LMO2: variants seen among roughly 807,000 people sequenced by gnomAD.
The protein encoded by LMO2 is LIM domain only 2.
Under a neutral mutation model 23.2 loss-of-function variants are expected in LMO2, and 20 were observed. That is an observed-to-expected ratio of 0.86 (90% CI 0.61 to 1.25). The LOEUF (loss-of-function observed/expected upper bound fraction) is 1.25, where lower values mean the gene tolerates loss of function less well. LMO2 is among the 50% of genes most tolerant of loss of function. The pLI is 0.00. For missense variants in LMO2, 270 were observed against 315.3 expected (o/e 0.86, Z 1.09); for synonymous variants, 123 against 130.2 (o/e 0.94, Z 0.38).
chr11:33,879,469 A>G (rs908771712), intron 2 of LMO2, among the ~76,000 whole-genome samples: 4 of 151,658 alleles, frequency 2.6e-5, no homozygotes, highest in African/African-American at 7.3e-5. Flanking sequence ...TAAAAAAAAA[A>G]AAAAAAAAAA....
rs1321988860 is a variant in LMO2, at chr11:33,864,586, G to T, written c.464+16C>A. ...GCCTCCCTTCCGAGGGCCCAGTGGA[G>T]TGCCGGGGAGGGTACCTGAGATAGT... On this transcript the variant is annotated intron_variant, in intron 5 of 5. Transcript: ENST00000257818. This position sits in a 1 kb window ranked among gnomAD's most constrained non-coding sequence, Gnocchi z 4.8. 1 of 1,605,032 alleles carries T rather than the reference G, an allele frequency of 6.2e-7. No homozygotes were observed. Among genetic ancestry groups the T allele is most frequent in the Non-Finnish European group, 8.5e-7 (1 of 1,174,612 alleles).
At position 33,869,932 on chromosome 11, in the gene LMO2, C is replaced by G; in HGVS notation, c.-216G>C. The G allele has an allele frequency of 9.5e-7, 1 of 1,048,878 alleles. No individual in the cohort carries two copies. The highest frequency in any genetic ancestry group is 1.1e-6 in the Non-Finnish European group (1 of 870,436). 65.0% of individuals were successfully genotyped at this position (1,048,878 alleles called of 1,614,324 possible). A position where few individuals can be genotyped will look rare whatever the true frequency, so the allele number is the denominator to read the frequency against. ...TCTCTCTCCGGGCTTCCTCCTCTCTCGGGAAGGTCTATTTTCGCTCAGCTT... is the reference window on the plus strand; with the variant it reads ...TCTCTCTCCGGGCTTCCTCCTCTCTGGGGAAGGTCTATTTTCGCTCAGCTT... On this transcript the variant is annotated 5_prime_UTR_variant, in exon 3 of 6. Coordinates refer to ENST00000257818, the MANE Select transcript of LMO2 (RefSeq NM_005574.4).
intron 4 of LMO2, among the ~76,000 whole-genome samples, chr11:33,866,528 C>G (rs915328040): frequency 1.2e-4 from 19 of 152,236 alleles, no homozygotes; most frequent in African/African-American, 4.6e-4. Context: ...CCCAGCTACC[C>G]AGGAGGCTGA....
rs755646456 is a variant in LMO2 at position 33,869,764 on chromosome 11, C to T, written c.-48G>A. 11 of 1,189,958 alleles carry T rather than the reference C, an allele frequency of 9.2e-6. No homozygotes were observed. The Admixed American group carries it at 1.3e-4, about 14-fold the overall frequency. The allele number at this position is 1,189,958 out of a possible 1,614,324, so 73.7% of individuals were successfully genotyped here. ...CCCGGTCCCTCTCGCGCGCTGTCGC[C>T]GGCTCCGCGCCGCCCGCGGGGATGG... is the stretch of plus-strand genomic sequence containing the variant. On this transcript the variant is annotated 5_prime_UTR_variant, in exon 3 of 6. Transcript: ENST00000257818.
intron 1 of LMO2, among the ~76,000 whole-genome samples, chr11:33,887,251 C>T (rs920157628): frequency 1.3e-5 from 2 of 152,186 alleles, no homozygotes; most frequent in East Asian, 1.9e-4. Flanking sequence ...GTGGAGTTTG[C>T]GGTAGCCTGG....
intron 1 of LMO2, among the ~76,000 whole-genome samples, chr11:33,890,615 G>A (rs57264949): frequency 6.6e-6 from 1 of 152,202 alleles, no homozygotes; most frequent in East Asian, 1.9e-4. Context: ...GCCTCCCAAA[G>A]TGCTAAGATT....
chr11:33,869,330 G>T lies in LMO2; in HGVS notation c.248+16C>A. The T allele has an allele frequency of 8.4e-7, 1 of 1,184,386 alleles. No homozygotes were observed. The highest frequency in any genetic ancestry group is 4.2e-5 in the South Asian group (1 of 23,788). The allele number at this position is 1,184,386 out of a possible 1,614,324, so 73.4% of individuals were successfully genotyped here. A position where few individuals can be genotyped will look rare whatever the true frequency, so the allele number is the denominator to read the frequency against. On this transcript the variant is annotated intron_variant, in intron 4 of 5. Coordinates refer to ENST00000257818, the MANE Select transcript of LMO2 (RefSeq NM_005574.4). ...GTGGACACCGGGGGTGGCAGGGGCAGGGGGGCCGCACTTACTCTGAAGGGT... is the reference window on the plus strand; with the variant it reads ...GTGGACACCGGGGGTGGCAGGGGCATGGGGGCCGCACTTACTCTGAAGGGT...
intron 2 of LMO2, among the ~76,000 whole-genome samples, chr11:33,879,125 C>A (rs1314198075): frequency 6.6e-6 from 1 of 152,120 alleles, no homozygotes; most frequent in South Asian, 2.1e-4. Flanking sequence ...CACAGGGGAA[C>A]AGCTTCATGA....
intron 2 of LMO2, among the ~76,000 whole-genome samples, chr11:33,874,654 A>G (rs1374182641): frequency 6.6e-6 from 1 of 152,250 alleles, no homozygotes; most frequent in African/African-American, 2.4e-5. Context: ...CATCCACCAA[A>G]GAGTGCTGAG....
intron 1 of LMO2, among the ~76,000 whole-genome samples, chr11:33,887,084 C>A (rs1857428189): frequency 6.6e-6 from 1 of 152,222 alleles, no homozygotes. Context: ...TGACTTGGAA[C>A]CTGGGACTCT....
chr11:33,864,591 G>A lies in LMO2; in HGVS notation c.464+11C>T, dbSNP rs35302585. The A allele has an allele frequency of 4.1e-5, 66 of 1,607,784 alleles. No homozygotes were observed. Among genetic ancestry groups the A allele is most frequent in the Middle Eastern group, 3.7e-4 (2 of 5,412 alleles). ...CCTTCCGAGGGCCCAGTGGAGTGCC[G>A]GGGAGGGTACCTGAGATAGTCTCTC... On this transcript the variant is annotated intron_variant, in intron 5 of 5. Transcript: ENST00000257818. The surrounding 1 kb of genome is among the most constrained non-coding windows in gnomAD (Gnocchi z 4.8).
intron 2 of LMO2, among the ~76,000 whole-genome samples, chr11:33,876,380 C>T (rs566334429): frequency 2.0e-5 from 3 of 152,278 alleles, no homozygotes; most frequent in East Asian, 1.9e-4. Context: ...GCACCTAGAA[C>T]GTGCCTAACG....
At position 33,869,457 on chromosome 11, in the gene LMO2, G is replaced by A; in HGVS notation, c.137C>T (p.Ala46Val). The A allele has an allele frequency of 8.3e-7, 1 of 1,199,186 alleles. No homozygotes were observed. The highest frequency in any genetic ancestry group is 1.0e-6 in the Non-Finnish European group (1 of 961,900). The allele number at this position is 1,199,186 out of a possible 1,614,324, so 74.3% of individuals were successfully genotyped here. ...GGCGCGGGGCTGGCCGGCTGCCGGG[G>A]CTCGGACCCCCTCGGGTGCTCGGGC... ...GGARAPEGVR[A>V]PAAGQPRATK... The change falls in exon 4 of 6, where the codon GCC becomes GTC. Residue 46 changes from alanine (A) to valine (V), a missense_variant. Coordinates refer to ENST00000257818, the MANE Select transcript of LMO2 (RefSeq NM_005574.4).
rs1856593991 is a variant in LMO2 at position 33,861,883 on chromosome 11, T to TTCTGTGACTTAAGCC, written c.465-2309_465-2308insGGCTTAAGTCACAGA. Among the ~76,000 whole-genome samples, 10 of 152,294 alleles carry TTCTGTGACTTAAGCC rather than the reference T, an allele frequency of 6.6e-5. No homozygotes were observed. The South Asian group carries it at 2.1e-3, about 32-fold the overall frequency. ...GGTGACCTGAGCAAATGGAGTCCCC[T>TTCTGTGACTTAAGCC]GTACAGGCTTCTGTGACTTAAGCCA... On this transcript the variant is annotated intron_variant, in intron 5 of 5. Transcript: ENST00000257818.
At position 33,869,938 on chromosome 11, in the gene LMO2, G is replaced by A. The variant is rs1395251120; in HGVS notation, c.-222C>T. ...TCCGGGCTTCCTCCTCTCTCGGGAA[G>A]GTCTATTTTCGCTCAGCTTCCCTCT... On this transcript the variant is annotated 5_prime_UTR_variant, in exon 3 of 6. Transcript: ENST00000257818. 2 of 1,047,184 alleles carry A rather than the reference G, an allele frequency of 1.9e-6. No individual in the cohort carries two copies. Among genetic ancestry groups the A allele is most frequent in the African/African-American group, 1.7e-5 (1 of 58,880 alleles). 64.9% of individuals were successfully genotyped at this position (1,047,184 alleles called of 1,614,324 possible).
At chr11:33,863,539 G>C (rs995471076) in intron 5 of LMO2, among the ~76,000 whole-genome samples, 3 of 152,220 alleles carry the variant, frequency 2.0e-5, no homozygotes, top group Non-Finnish European at 4.4e-5. Flanking sequence ...GTGTATCAGG[G>C]AAGCATGCTT....
At chr11:33,879,280 T>C (rs1230748620) in intron 2 of LMO2, among the ~76,000 whole-genome samples, 4 of 151,976 alleles carry the variant, frequency 2.6e-5, no homozygotes, top group African/African-American at 9.7e-5. Flanking sequence ...ACCCACAGAA[T>C]GGAATAATAT....
chr11:33,881,305 C>T (rs753400561), intron 2 of LMO2: 6 of 456,712 alleles, frequency 1.3e-5, no homozygotes, highest in African/African-American at 1.0e-4. Flanking sequence ...AACAAATATT[C>T]CATTTGTATT....
At chr11:33,872,365 C>T (rs1468188179) in intron 2 of LMO2, among the ~76,000 whole-genome samples, 1 of 152,130 alleles carries the variant, frequency 6.6e-6, no homozygotes, top group Admixed American at 6.5e-5. Context: ...AACCTATTGC[C>T]TAAGTTATTG....
Sources: gnomAD v4.1 joint callset for allele counts (sites outside exome capture counted in the v4.1 genomes callset) on GRCh38, gnomAD v4.1.1 for gene constraint, Gnocchi (gnomAD v3.1) non-coding constraint, MANE v1.5 for transcripts, NCBI Gene and HGNC (gene_info 2026-07-23, HGNC 2026-07-21) for gene names.